Variants in SETD5 observed in about 807,000 individuals in gnomAD.
SETD5 encodes SET domain containing 5.
Under a neutral mutation model 153.3 loss-of-function variants are expected in SETD5, and 44 were observed. That is an observed-to-expected ratio of 0.29 (90% CI 0.23 to 0.37). The LOEUF (loss-of-function observed/expected upper bound fraction) is 0.37, where lower values mean the gene tolerates loss of function less well. Among genes scored for constraint, SETD5 ranks in the 10% least tolerant of loss-of-function variants. The pLI is 1.00. For synonymous variants in SETD5, 716 were observed against 645.2 expected, an observed-to-expected ratio of 1.11 and a Z score of -1.66; for missense variants, 1,544 against 1,768.0, an observed-to-expected ratio of 0.87 and a Z score of 2.27.
At chr3:9,441,768 A>C in intron 9 of SETD5, 27 bp downstream of exon 9, 1 of 1,613,778 alleles carries the variant, frequency 6.2e-7, no homozygotes, top group South Asian at 1.1e-5. Flanking sequence ...TTGAGCAGTG[A>C]GGGCTAAGGT....
intron 19 of SETD5, among the ~76,000 whole-genome samples, chr3:9,472,149 T>C (rs962460888): frequency 3.9e-5 from 6 of 152,232 alleles, no homozygotes; most frequent in Non-Finnish European, 5.9e-5. Context: ...TAATATTTAC[T>C]ATGTGCAAAA....
At chr3:9,457,605 T>A (rs1218738728) in intron 17 of SETD5, among the ~76,000 whole-genome samples, 6 of 150,928 alleles carry the variant, frequency 4.0e-5, no homozygotes, top group African/African-American at 1.2e-4. Flanking sequence ...ACCAAGAAAG[T>A]AAATGAATAC....
intron 17 of SETD5, among the ~76,000 whole-genome samples, chr3:9,458,534 C>T (rs146112049): frequency 3.9e-5 from 6 of 152,144 alleles, no homozygotes; most frequent in Non-Finnish European, 1.5e-5. Context: ...GACTTGAGCC[C>T]AAGAATTTGA....
chr3:9,404,344 ACTT>A (rs1433263988), intron 1 of SETD5, among the ~76,000 whole-genome samples: 3 of 152,214 alleles, frequency 2.0e-5, no homozygotes, highest in Admixed American at 2.0e-4. Flanking sequence ...ATGTGTTACT[ACTT>A]AACATTATAT....
At chr3:9,403,015 C>T (rs747446431) in intron 1 of SETD5, among the ~76,000 whole-genome samples, 1 of 151,886 alleles carries the variant, frequency 6.6e-6, no homozygotes, top group African/African-American at 2.4e-5. Flanking sequence ...TAGATAAGTG[C>T]GGGGCAGGAC....
Position 9,448,673 on chromosome 3 carries a change from T to C in SETD5, c.2346+43T>C, listed in dbSNP as rs191672628. The C allele has an allele frequency of 3.7e-4, 531 of 1,453,690 alleles. 1 individual carries two copies. Among genetic ancestry groups the C allele is most frequent in the Non-Finnish European group, 4.7e-4 (518 of 1,097,400 alleles). 90.0% of individuals were successfully genotyped at this position (1,453,690 alleles called of 1,614,324 possible). On this transcript the variant is annotated intron_variant, in intron 16 of 22. Transcript: ENST00000402198. ...TGTGTGTGTTGTGTTTATGTGTGTG[T>C]GCTTTATTTTTTTAAGCCTAAGATT...
chr3:9,439,923 A>T (rs991875960), intron 7 of SETD5, among the ~76,000 whole-genome samples: 9 of 152,226 alleles, frequency 5.9e-5, no homozygotes, highest in Admixed American at 1.3e-4. Flanking sequence ...ATTGATTAAG[A>T]TCACATCTAG....
chr3:9,467,199 CAA>C (rs35894304), intron 18 of SETD5, among the ~76,000 whole-genome samples: 597 of 40,808 alleles, frequency 0.015, 1 homozygote, highest in Middle Eastern at 0.045. Context: ...GACTCTCTCT[CAA>C]AAAAAAAAAA....
intron 18 of SETD5, among the ~76,000 whole-genome samples, chr3:9,466,287 CAAAAAAAAA>C (rs146498301): frequency 1.4e-4 from 9 of 63,284 alleles, no homozygotes; most frequent in African/African-American, 4.5e-4. Flanking sequence ...GACTCCGTCT[CAAAAAAAAA>C]AAAAAAAAAA....
chr3:9,401,387 G>A (rs2034748350), intron 1 of SETD5, among the ~76,000 whole-genome samples: 1 of 152,100 alleles, frequency 6.6e-6, no homozygotes, highest in Non-Finnish European at 1.5e-5. Context: ...GGAACCTTTT[G>A]TGCTCTTGAT....
intron 3 of SETD5, chr3:9,430,327 T>TCC (rs1461568239): frequency 1.0e-6 from 1 of 983,416 alleles, no homozygotes. Context: ...TGGGGTAGTC[T>TCC]AAAATGAAAA....
intron 1 of SETD5, among the ~76,000 whole-genome samples, chr3:9,420,732 A>G (rs2038245043): frequency 6.6e-6 from 1 of 152,084 alleles, no homozygotes; most frequent in Admixed American, 6.6e-5. Context: ...TTCCAAATAC[A>G]TGAACTTTTC....
chr3:9,455,220 C>T (rs2043099900), intron 17 of SETD5, among the ~76,000 whole-genome samples: 1 of 138,184 alleles, frequency 7.2e-6, no homozygotes, highest in African/African-American at 2.8e-5. Flanking sequence ...TTCTCCCTGC[C>T]TCAGCCTCCC....
intron 16 of SETD5, among the ~76,000 whole-genome samples, chr3:9,452,827 A>T (rs73130116): frequency 0.12 from 17,561 of 151,754 alleles, 1,382 homozygotes; most frequent in Non-Finnish European, 0.18. Context: ...TGCTCTTCCT[A>T]TTGGGGGAGG....
At chr3:9,427,768 C>T (rs545854841) in intron 2 of SETD5, among the ~76,000 whole-genome samples, 40 of 152,218 alleles carry the variant, frequency 2.6e-4, no homozygotes, top group African/African-American at 9.6e-4. Context: ...AAATAAAATG[C>T]TTTTTGTTTC....
chr3:9,413,140 A>G (rs2036849388), intron 1 of SETD5, among the ~76,000 whole-genome samples: 1 of 152,158 alleles, frequency 6.6e-6, no homozygotes. Context: ...TTCCCTGTTG[A>G]TACTGCTTGC....
At chr3:9,466,287 C>CAAAAAAAAAAAAAAAAAAAAA (rs146498301) in intron 18 of SETD5, among the ~76,000 whole-genome samples, 1 of 63,262 alleles carries the variant, frequency 1.6e-5, no homozygotes, top group Non-Finnish European at 3.4e-5. Context: ...GACTCCGTCT[C>CAAAAAAAAAAAAAAAAAAAAA]AAAAAAAAAA....
chr3:9,426,942 G>A (rs2039339733), intron 2 of SETD5, among the ~76,000 whole-genome samples: 2 of 152,142 alleles, frequency 1.3e-5, no homozygotes, highest in African/African-American at 2.4e-5. Context: ...GGAGTGCAGT[G>A]CATGATTATG....
intron 19 of SETD5, among the ~76,000 whole-genome samples, chr3:9,471,274 A>G (rs879591679): frequency 6.6e-6 from 1 of 152,198 alleles, no homozygotes; most frequent in Non-Finnish European, 1.5e-5. Flanking sequence ...AAGATAGGCA[A>G]TTTTCTATTT....
Sources: allele counts gnomAD v4.1 joint callset (sites outside exome capture counted in the v4.1 genomes callset), GRCh38; gene constraint gnomAD v4.1.1; transcripts MANE v1.5; gene names NCBI Gene and HGNC (gene_info 2026-07-23, HGNC 2026-07-21).